Variants in CDC73 observed in about 807,000 individuals in gnomAD.
The protein encoded by CDC73 is parafibromin.
A neutral mutation model predicts 83.7 loss-of-function variants in CDC73; 21 were observed. The ratio of observed to expected loss-of-function variants is 0.25; its 90% CI spans 0.18 to 0.36. The LOEUF (loss-of-function observed/expected upper bound fraction) is 0.36. Among genes scored for constraint, CDC73 ranks in the 10% least tolerant of loss-of-function variants. The pLI, the probability that CDC73 is intolerant of heterozygous loss-of-function variation, is 1.00. For synonymous variants in CDC73, 224 were observed against 212.9 expected (o/e 1.05, Z -0.45); for missense variants, 342 against 653.3 (o/e 0.52, Z 5.19).
At chr1:193,124,911 C>G (rs772225184) in intron 1 of CDC73, among the ~76,000 whole-genome samples, 1 of 152,132 alleles carries the variant, frequency 6.6e-6, no homozygotes. Flanking sequence ...TGTATTTTCC[C>G]TACTTCTTGC....
intron 11 of CDC73, among the ~76,000 whole-genome samples, chr1:193,204,291 T>TTTTTC (rs1677148665): frequency 7.2e-6 from 1 of 138,988 alleles, no homozygotes; most frequent in African/African-American, 2.9e-5. Context: ...ATATATATTT[T>TTTTTC]TTTTTTTTCT....
intron 1 of CDC73, among the ~76,000 whole-genome samples, chr1:193,124,267 T>G (rs10801177): frequency 0.62 from 94,906 of 152,128 alleles, 30,065 homozygotes; most frequent in South Asian, 0.77. Flanking sequence ...TTACTCTTCT[T>G]ATTGTATGCA....
intron 15 of CDC73, among the ~76,000 whole-genome samples, chr1:193,243,321 T>C (rs916813325): frequency 9.2e-5 from 14 of 152,184 alleles, no homozygotes; most frequent in Non-Finnish European, 1.5e-4. Flanking sequence ...AATGATAATA[T>C]GTTGGTGTAA....
rs374880255 is a variant in CDC73 at position 193,122,345 on chromosome 1, G to C, written c.131+14G>C. ...TGTTGTTTGGGGGTAAGTCCGGCATGGCTGTGGCCCAGGGGTGGCAGGGCA... is the reference window on the plus strand; with the variant it reads ...TGTTGTTTGGGGGTAAGTCCGGCATCGCTGTGGCCCAGGGGTGGCAGGGCA... On this transcript the variant is annotated intron_variant, in intron 1 of 16. Coordinates refer to ENST00000367435, the MANE Select transcript of CDC73 (RefSeq NM_024529.5). 13 of 1,614,014 alleles carry C rather than the reference G, an allele frequency of 8.1e-6. No homozygotes were observed. The highest frequency in any genetic ancestry group is 1.1e-5 in the South Asian group (1 of 91,074).
At chr1:193,222,190 G>A (rs1331012518) in intron 13 of CDC73, among the ~76,000 whole-genome samples, 1 of 152,160 alleles carries the variant, frequency 6.6e-6, no homozygotes, top group Admixed American at 6.5e-5. Context: ...AAACGATTGG[G>A]TGTAACTTCC....
rs576795696 is a variant in CDC73, at chr1:193,157,542, C to T, written c.972+5098C>T. 5.3e-5 allele frequency among the ~76,000 whole-genome samples: 8 copies of T among 152,312 alleles called. No individual in the cohort carries two copies. The South Asian group carries it at 1.4e-3, about 28-fold the overall frequency. ...CCTTAAAATCTATCTGGCATGACTG[C>T]GTACTGGGTCTGTAGTCTCACATGG... is the stretch of plus-strand genomic sequence containing the variant. On this transcript the variant is annotated intron_variant, in intron 10 of 16. Coordinates refer to ENST00000367435, the MANE Select transcript of CDC73 (RefSeq NM_024529.5).
intron 13 of CDC73, among the ~76,000 whole-genome samples, chr1:193,217,676 G>T (rs1677393778): frequency 1.3e-5 from 2 of 152,122 alleles, no homozygotes; most frequent in South Asian, 4.2e-4. Flanking sequence ...TAGGGTCTTG[G>T]GTTTTTATAG....
chr1:193,249,979 T>C, intron 16 of CDC73, 108 bp downstream of exon 16: 1 of 994,536 alleles, frequency 1.0e-6, no homozygotes, highest in Non-Finnish European at 1.6e-6. Flanking sequence ...AATTCCCTTC[T>C]TTCAACATTA....
At chr1:193,180,386 A>G (rs941263598) in intron 10 of CDC73, 2 of 1,613,746 alleles carry the variant, frequency 1.2e-6, no homozygotes, top group Non-Finnish European at 1.7e-6. Context: ...TGGTTCCAGT[A>G]TTTTATCAGT....
intron 13 of CDC73, among the ~76,000 whole-genome samples, chr1:193,213,737 T>C (rs1235066810): frequency 6.6e-6 from 1 of 152,228 alleles, no homozygotes; most frequent in Non-Finnish European, 1.5e-5. Context: ...TGTTGCTCAC[T>C]AATCTTAATA....
At chr1:193,209,755 T>C (rs887629067) in intron 11 of CDC73, among the ~76,000 whole-genome samples, 2 of 152,214 alleles carry the variant, frequency 1.3e-5, no homozygotes, top group African/African-American at 4.8e-5. Flanking sequence ...CTTCTCAGCC[T>C]TGAGTTTAGT....
chr1:193,232,457 TACAC>T (rs142845942), intron 13 of CDC73, among the ~76,000 whole-genome samples: 6 of 150,360 alleles, frequency 4.0e-5, no homozygotes, highest in African/African-American at 9.7e-5. Context: ...TACACACACA[TACAC>T]ACACACACAC....
chr1:193,239,867 A>G (rs182311950), intron 15 of CDC73, among the ~76,000 whole-genome samples: 8 of 152,298 alleles, frequency 5.3e-5, no homozygotes, highest in Admixed American at 3.9e-4. Context: ...TCACCATGGC[A>G]TATGTTTAAC....
rs1678035186 is a variant in CDC73, at chr1:193,251,010, A to T, written c.*298A>T. ...TTTAGAAAATAAATGCAGGTTATAA[A>T]TGTGTGTATATTTAGAGATTATAAG... On this transcript the variant is annotated 3_prime_UTR_variant, in exon 17 of 17. Coordinates refer to ENST00000367435, the MANE Select transcript of CDC73 (RefSeq NM_024529.5). The T allele has an allele frequency of 7.4e-6, 3 of 406,192 alleles. No homozygotes were observed. The highest frequency in any genetic ancestry group is 8.9e-6 in the Non-Finnish European group (2 of 224,426). 25.2% of individuals were successfully genotyped at this position (406,192 alleles called of 1,614,324 possible).
At chr1:193,209,248 A>G (rs746209082) in intron 11 of CDC73, among the ~76,000 whole-genome samples, 7 of 152,348 alleles carry the variant, frequency 4.6e-5, no homozygotes, top group South Asian at 2.1e-4. Flanking sequence ...TAAATTGGCA[A>G]TTAGCACACT....
At chr1:193,220,814 A>G (rs539224973) in intron 13 of CDC73, among the ~76,000 whole-genome samples, 1 of 152,322 alleles carries the variant, frequency 6.6e-6, no homozygotes, top group East Asian at 1.9e-4. Flanking sequence ...GTAATTTACA[A>G]TTGTGTGAAC....
At chr1:193,158,622 G>A (rs1054589729) in intron 10 of CDC73, among the ~76,000 whole-genome samples, 2 of 151,980 alleles carry the variant, frequency 1.3e-5, no homozygotes, top group Admixed American at 6.5e-5. Flanking sequence ...TCTGTACTCT[G>A]TGTTTAGACT....
At chr1:193,181,146 A>T (rs998757805) in intron 10 of CDC73, 10 of 1,613,858 alleles carry the variant, frequency 6.2e-6, no homozygotes, top group Non-Finnish European at 8.5e-6. Context: ...GCTCATTAAT[A>T]ATATATTTGA....
At chr1:193,125,379 C>T (rs1675547272) in intron 2 of CDC73, among the ~76,000 whole-genome samples, 162 bp downstream of exon 2, 1 of 152,088 alleles carries the variant, frequency 6.6e-6, no homozygotes, top group African/African-American at 2.4e-5. Flanking sequence ...CCACCTCTGC[C>T]TTCAAGTAGC....
Sources: allele counts gnomAD v4.1 joint callset (sites outside exome capture counted in the v4.1 genomes callset), GRCh38; gene constraint gnomAD v4.1.1; transcripts MANE v1.5; gene names NCBI Gene and HGNC (gene_info 2026-07-23, HGNC 2026-07-21).